The following KCTD1 variants were observed in gnomAD, a reference collection of about 807,000 sequenced individuals.
KCTD1 encodes the protein potassium channel tetramerization domain containing 1.
Under a neutral mutation model 66.0 loss-of-function variants are expected in KCTD1, and 24 were observed. The observed-to-expected ratio is 0.36, with a 90% CI of 0.26 to 0.51. The LOEUF (loss-of-function observed/expected upper bound fraction) is 0.51. KCTD1 is among the 20% of genes least tolerant of loss of function. KCTD1 has a pLI of 0.95. For synonymous variants in KCTD1, 511 were observed against 517.2 expected, an observed-to-expected ratio of 0.99 and a Z score of 0.16; for missense variants, 943 against 1,205.2, an observed-to-expected ratio of 0.78 and a Z score of 3.22.
chr18:26,552,871 C>T (rs56163336), upstream of KCTD1, among the ~76,000 whole-genome samples: 29,227 of 152,018 alleles, frequency 0.19, 3,139 homozygotes, highest in Non-Finnish European at 0.25. Context: ...TTAAAAGAGA[C>T]GCCATACTGT....
At chr18:26,617,841 AAGGAAGGAAGGGAGGGAGGG>A (rs1367608866) in intron 1 of KCTD1, among the ~76,000 whole-genome samples, 1 of 75,770 alleles carries the variant, frequency 1.3e-5, no homozygotes, top group African/African-American at 5.0e-5. Flanking sequence ...AGAAGGAAGG[AAGGAAGGAAGGGAGGGAGGG>A]AGGGAGGGAG....
At chr18:26,505,896 A>G (rs909480510) in intron 1 of KCTD1, among the ~76,000 whole-genome samples, 9 of 151,390 alleles carry the variant, frequency 5.9e-5, no homozygotes, top group African/African-American at 2.2e-4. Context: ...TTATTTTGAG[A>G]CAGGGTCTCA....
intron 1 of KCTD1, among the ~76,000 whole-genome samples, chr18:26,649,169 T>C (rs1364447316): frequency 6.6e-6 from 1 of 152,248 alleles, no homozygotes. Context: ...TTCCATTCCC[T>C]GGCAGCACGT....
intron 1 of KCTD1, among the ~76,000 whole-genome samples, chr18:26,553,717 T>G (rs1985631336): frequency 6.6e-6 from 1 of 152,114 alleles, no homozygotes; most frequent in Non-Finnish European, 1.5e-5. Flanking sequence ...ACAAAACACT[T>G]AACACATTGT....
intron 1 of KCTD1, among the ~76,000 whole-genome samples, chr18:26,656,759 C>G (rs1425364916): frequency 6.6e-6 from 1 of 151,138 alleles, no homozygotes. Flanking sequence ...CGGGCGCCGC[C>G]GCCCCCTGCG....
rs184978757 is a variant in KCTD1, at chr18:26,468,242, A to T, written c.2133+8273T>A. On this transcript the variant is annotated intron_variant, in intron 3 of 4. Transcript: ENST00000580059. This position sits in a 1 kb window ranked among gnomAD's most constrained non-coding sequence, Gnocchi z 4.8. ...TCATATCCATAATAAAACACTGCAG[A>T]AAAGTTCTGCAATCACTTATGCAGA... 6.6e-6 allele frequency among the ~76,000 whole-genome samples: 1 copy of T among 152,374 alleles called. No homozygotes were observed. The highest frequency in any genetic ancestry group is 6.5e-5 in the Admixed American group (1 of 15,310).
chr18:26,625,697 A>C (rs961624794), intron 1 of KCTD1, among the ~76,000 whole-genome samples: 6 of 152,198 alleles, frequency 3.9e-5, no homozygotes, highest in Non-Finnish European at 7.3e-5. Context: ...GTCCTATAAC[A>C]TTGTTCCTTC....
intron 1 of KCTD1, among the ~76,000 whole-genome samples, chr18:26,608,567 T>A (rs1987067107): frequency 6.6e-6 from 1 of 152,210 alleles, no homozygotes; most frequent in Non-Finnish European, 1.5e-5. Context: ...GCAGTCCATA[T>A]GGGGCAGGGT....
Position 26,513,867 on chromosome 18 carries a change from C to CA in KCTD1, c.1810-12618dup, listed in dbSNP as rs1357851426. ...GAAGGGCATTCCAAAAGTATGAGTG[C>CA]AAAAAAGAGCTAACCCAGGGAGATT... On this transcript the variant is annotated intron_variant, in intron 1 of 4. Transcript: ENST00000580059. Among the ~76,000 whole-genome samples the CA allele has an allele frequency of 3.3e-5, 5 of 152,090 alleles. No homozygotes were observed. In the East Asian group the frequency reaches 9.6e-4, roughly 29 times the overall value.
At chr18:26,502,142 TG>T in intron 1 of KCTD1, among the ~76,000 whole-genome samples, 1 of 152,218 alleles carries the variant, frequency 6.6e-6, no homozygotes, top group Non-Finnish European at 1.5e-5. Context: ...CTCCGCCTCC[TG>T]GGTTCACGCC....
At chr18:26,643,456 T>C (rs1169863921), upstream of KCTD1, among the ~76,000 whole-genome samples, 1 of 152,078 alleles carries the variant, frequency 6.6e-6, no homozygotes, top group East Asian at 1.9e-4. Flanking sequence ...AGACAAGATG[T>C]TAGAAGGGAC....
chr18:26,556,417 C>A (rs941872761), intron 1 of KCTD1, among the ~76,000 whole-genome samples: 3 of 152,168 alleles, frequency 2.0e-5, no homozygotes, highest in Non-Finnish European at 2.9e-5. Flanking sequence ...TGTCATTACT[C>A]CCAGTAAAAA....
chr18:26,517,377 T>C (rs189244698), intron 1 of KCTD1, among the ~76,000 whole-genome samples: 1 of 152,166 alleles, frequency 6.6e-6, no homozygotes, highest in Non-Finnish European at 1.5e-5. Flanking sequence ...GTTTAAAGGC[T>C]GGGCATGGTG....
At chr18:26,459,415 T>A (rs1567952852) in intron 4 of KCTD1, 1 of 547,844 alleles carries the variant, frequency 1.8e-6, no homozygotes, top group Non-Finnish European at 3.2e-6. Flanking sequence ...GTCTCTTCTG[T>A]ATCTCCAGTG....
rs553649705 is a variant in KCTD1, at chr18:26,526,546, G to A, written c.1809+20182C>T. On this transcript the variant is annotated intron_variant, in intron 1 of 4. Coordinates refer to ENST00000580059, the MANE Select transcript of KCTD1 (RefSeq NM_001142730.3). ...GGATTTCGTGGTGACTGTCACTTGA[G>A]ATGAGGCTGGAATAGCCAAGAGAAA... Among the ~76,000 whole-genome samples the A allele has an allele frequency of 4.6e-5, 7 of 152,332 alleles. No homozygotes were observed. In the East Asian group the frequency reaches 9.6e-4, roughly 21 times the overall value.
chr18:26,456,044 G>A, intron 4 of KCTD1, 143 bp from the exon 5 acceptor site: 1 of 720,002 alleles, frequency 1.4e-6, no homozygotes, highest in Non-Finnish European at 2.2e-6. Context: ...CTCAAAGGAA[G>A]ACCCTGGATT....
At chr18:26,475,245 G>A (rs143483763) in intron 3 of KCTD1, among the ~76,000 whole-genome samples, 151 of 151,932 alleles carry the variant, frequency 9.9e-4, no homozygotes, top group Non-Finnish European at 1.6e-3. Flanking sequence ...TATCCTTAAC[G>A]CTTTTTTTCT....
chr18:26,656,063 G>A (rs1205380905), intron 1 of KCTD1, among the ~76,000 whole-genome samples: 1 of 152,110 alleles, frequency 6.6e-6, no homozygotes, highest in Non-Finnish European at 1.5e-5. Context: ...AGTTGGGGGG[G>A]CGGAGGAGGA....
chr18:26,455,610 G>T lies in KCTD1; in HGVS notation c.*133C>A. 9.8e-7 allele frequency: 1 copy of T among 1,019,364 alleles called. No homozygotes were observed. Among genetic ancestry groups the T allele is most frequent in the Non-Finnish European group, 1.5e-6 (1 of 677,350 alleles). The allele number at this position is 1,019,364 out of a possible 1,614,324, so 63.1% of individuals were successfully genotyped here. ...TATGAATACAGGTGTGGTCTCTATT[G>T]GATATAAATGTGTCTTTTATTCGAT... On this transcript the variant is annotated 3_prime_UTR_variant, in exon 5 of 5. Transcript: ENST00000580059.
Sources: allele counts gnomAD v4.1 joint callset (sites outside exome capture counted in the v4.1 genomes callset), GRCh38; gene constraint gnomAD v4.1.1; non-coding constraint Gnocchi (gnomAD v3.1); transcripts MANE v1.5; gene names NCBI Gene and HGNC (gene_info 2026-07-23, HGNC 2026-07-21).